Variants in TCTA observed in about 807,000 individuals in gnomAD.
The protein encoded by TCTA is T-cell leukemia translocation-altered gene protein.
A neutral mutation model predicts 13.5 loss-of-function variants in TCTA; 13 were observed. The observed-to-expected ratio is 0.96, with a 90% confidence interval of 0.63 to 1.53. TCTA has a LOEUF of 1.53. TCTA is among the 40% of genes most tolerant of loss of function. The pLI, the probability that TCTA is intolerant of heterozygous loss-of-function variation, is 0.00. For synonymous variants in TCTA, 58 were observed against 59.0 expected (o/e 0.98, Z 0.08); for missense variants, 138 against 131.3 (o/e 1.05, Z -0.25).
At position 49,414,922 on chromosome 3, in the gene TCTA, T is replaced by A; in HGVS notation, c.*60T>A. On this transcript the variant is annotated 3_prime_UTR_variant, in exon 3 of 3. Coordinates refer to ENST00000273590, the MANE Select transcript of TCTA (RefSeq NM_022171.3). ...GGGTCTGCTGGCTTCTACACTGGGT[T>A]CTGCTACTCCCCAGACCTCAGGGAC... 2 of 1,607,252 alleles carry A rather than the reference T, an allele frequency of 1.2e-6. No homozygotes were observed. The highest frequency in any genetic ancestry group is 8.5e-7 in the Non-Finnish European group (1 of 1,174,376).
intron 1 of TCTA, 33 bp from the exon 2 acceptor site, chr3:49,413,023 C>T (rs1397413698): frequency 1.2e-6 from 2 of 1,612,568 alleles, no homozygotes; most frequent in African/African-American, 1.3e-5. Flanking sequence ...CCACCCCAGC[C>T]TTCTGCAGCT....
intron 1 of TCTA, 128 bp from the exon 2 acceptor site, chr3:49,412,928 A>G (rs1415668166): frequency 1.6e-5 from 15 of 922,818 alleles, no homozygotes; most frequent in Non-Finnish European, 2.4e-5. Context: ...TGGCAATACC[A>G]TTAGTCCCTT....
In TCTA at chr3:49,412,555, G is replaced by T; in HGVS notation, c.129G>T (p.Leu43=). 1 of 1,614,270 alleles carries T rather than the reference G, an allele frequency of 6.2e-7. No homozygotes were observed. Among genetic ancestry groups the T allele is most frequent in the Non-Finnish European group, 8.5e-7 (1 of 1,180,046 alleles). ...GCGTGACCCTCTTCAAGCTGCTGCTGCTGTGGTTGGTGTTAAGTCTCCTGG... is the reference window on the plus strand; with the variant it reads ...GCGTGACCCTCTTCAAGCTGCTGCTTCTGTGGTTGGTGTTAAGTCTCCTGG... The part of the protein sequence containing the change: ...DMRVTLFKLL[L]LWLVLSLLGI... The change falls in exon 1 of 3, where the codon CTG becomes CTT. Residue 43 remains leucine, a synonymous_variant. Transcript: ENST00000273590.
chr3:49,412,443 C>T lies in TCTA; in HGVS notation c.17C>T (p.Ser6Phe). The T allele has an allele frequency of 5.0e-6, 8 of 1,611,210 alleles. No homozygotes were observed. Among genetic ancestry groups the T allele is most frequent in the Non-Finnish European group, 6.8e-6 (8 of 1,179,730 alleles). Residue 6 changes from serine (S) to phenylalanine (F), a missense_variant, in exon 1 of 3, where the codon TCT (serine) becomes TTT (phenylalanine). Transcript: ENST00000273590. ...GGGCCAGTCATGGCGGAGTCCTGGT[C>T]TGGGCAGGCCTTGCAGGCTCTGCCG... MAESW[S>F]GQALQALPAT...
rs903016683 is a variant in TCTA at position 49,412,976 on chromosome 3, T to C, written c.215-80T>C. 2.1e-6 allele frequency: 3 copies of C among 1,446,126 alleles called. No individual in the cohort carries two copies. In the South Asian group the frequency reaches 3.5e-5, roughly 17 times the overall value. The allele number at this position is 1,446,126 out of a possible 1,614,324, so 89.6% of individuals were successfully genotyped here. A position where few individuals can be genotyped will look rare whatever the true frequency, so the allele number is the denominator to read the frequency against. The stretch of plus-strand genomic sequence containing the variant: ...AGACTTCACCAAACAATACCAGTGG[T>C]CTCTAACCTGACCTGGGCTGATGCC... On this transcript the variant is annotated intron_variant, in intron 1 of 2. Coordinates refer to ENST00000273590, the MANE Select transcript of TCTA (RefSeq NM_022171.3).
At position 49,414,942 on chromosome 3, in the gene TCTA, A is replaced by G. The variant is rs1038768502; in HGVS notation, c.*80A>G. 3.8e-6 allele frequency: 6 copies of G among 1,577,666 alleles called. No homozygotes were observed. Among genetic ancestry groups the G allele is most frequent in the Non-Finnish European group, 4.3e-6 (5 of 1,149,634 alleles). On this transcript the variant is annotated 3_prime_UTR_variant, in exon 3 of 3. Transcript: ENST00000273590. ...TGGGTTCTGCTACTCCCCAGACCTCAGGGACAACTGCCGGGGGTTCAGGGT... is the reference window on the plus strand; with the variant it reads ...TGGGTTCTGCTACTCCCCAGACCTCGGGGACAACTGCCGGGGGTTCAGGGT...
chr3:49,413,061 G>A lies in TCTA; in HGVS notation c.220G>A (p.Gly74Ser). ...GGATGTGTTTCTGCCTCCAGGTCTG[G>A]GTGGTCAGAATGGATCCACGCCTGA... is the stretch of plus-strand genomic sequence containing the variant. Reference protein sequence around the residue: ...VTGLYHRPGLGGQNGSTPDGS... With the variant: ...VTGLYHRPGLSGQNGSTPDGS... Residue 74 changes from glycine to serine, a missense_variant, in exon 2 of 3, where the codon GGT becomes AGT. By Grantham distance (56) the Gly-to-Ser change is moderately conservative (BLOSUM62 0). Coordinates refer to ENST00000273590, the MANE Select transcript of TCTA (RefSeq NM_022171.3). The A allele has an allele frequency of 6.2e-7, 1 of 1,614,104 alleles. No homozygotes were observed. The highest frequency in any genetic ancestry group is 8.5e-7 in the Non-Finnish European group (1 of 1,180,030).
At chr3:49,412,662 C>T (rs763218481) in intron 1 of TCTA, 22 bp downstream of exon 1, 38 of 1,608,444 alleles carry the variant, frequency 2.4e-5, no homozygotes, top group Non-Finnish European at 2.9e-5. Context: ...TACGAACCTC[C>T]GTGGGCTGGC....
At chr3:49,412,917 C>A in intron 1 of TCTA, 139 bp from the exon 2 acceptor site, 1 of 848,212 alleles carries the variant, frequency 1.2e-6, no homozygotes, top group Non-Finnish European at 1.9e-6. Context: ...GAACTCTCAC[C>A]TGGCAATACC....
chr3:49,413,191 T>A (rs2048971717), intron 2 of TCTA, 81 bp downstream of exon 2: 1 of 1,537,366 alleles, frequency 6.5e-7, no homozygotes, highest in Non-Finnish European at 9.0e-7. Context: ...AGGGGAGTTC[T>A]CAGGCTTTAA....
rs761335887 is a variant in TCTA at position 49,412,555 on chromosome 3, G to A, written c.129G>A (p.Leu43=). The A allele has an allele frequency of 3.1e-6, 5 of 1,614,270 alleles. 1 individual carries two copies. In the South Asian group the frequency reaches 4.4e-5, roughly 14 times the overall value. Residue 43 remains leucine (L), a synonymous_variant, in exon 1 of 3, where the codon CTG becomes CTA. Coordinates refer to ENST00000273590, the MANE Select transcript of TCTA (RefSeq NM_022171.3). ...DMRVTLFKLL[L]LWLVLSLLGI... ...GCGTGACCCTCTTCAAGCTGCTGCT[G>A]CTGTGGTTGGTGTTAAGTCTCCTGG... is the stretch of plus-strand genomic sequence containing the variant.
At chr3:49,413,208 C>A in intron 2 of TCTA, 98 bp downstream of exon 2, 2 of 1,359,146 alleles carry the variant, frequency 1.5e-6, no homozygotes, top group Non-Finnish European at 1.0e-6. Context: ...TTAAGCCCAC[C>A]AGCTTAATGG....
Position 49,416,282 on chromosome 3 carries a change from T to C in TCTA, c.*1420T>C, listed in dbSNP as rs549128400. 6.6e-5 allele frequency: 11 copies of C among 167,626 alleles called. No homozygotes were observed. The highest frequency in any genetic ancestry group is 1.9e-4 in the African/African-American group (8 of 41,832). 10.4% of individuals were successfully genotyped at this position (167,626 alleles called of 1,614,324 possible). A position where few individuals can be genotyped will look rare whatever the true frequency, so the allele number is the denominator to read the frequency against. On this transcript the variant is annotated 3_prime_UTR_variant, in exon 3 of 3. Coordinates refer to ENST00000273590, the MANE Select transcript of TCTA (RefSeq NM_022171.3). ...TGACCCCTGCCTACTTCCTTCCTGT[T>C]GGATATCATACTTCCATCTGGCTGC...
rs1559525404 is a variant in TCTA at position 49,412,453 on chromosome 3, C to CT, written c.29dup (p.Leu10PhefsTer73). 6.2e-7 allele frequency: 1 copy of CT among 1,612,356 alleles called. No individual in the cohort carries two copies. Among genetic ancestry groups the CT allele is most frequent in the Admixed American group, 1.7e-5 (1 of 60,010 alleles). On this transcript the variant is annotated frameshift_variant, in exon 1 of 3. Coordinates refer to ENST00000273590, the MANE Select transcript of TCTA (RefSeq NM_022171.3). LOFTEE classifies it high-confidence loss of function. ...TGGCGGAGTCCTGGTCTGGGCAGGC[C>CT]TTGCAGGCTCTGCCGGCCACGGTGC...
At chr3:49,413,841 T>G (rs763004963) in intron 2 of TCTA, among the ~76,000 whole-genome samples, 2 of 152,192 alleles carry the variant, frequency 1.3e-5, no homozygotes, top group Non-Finnish European at 2.9e-5. Context: ...AAGGCTGTGG[T>G]CTGATCTAAT....
rs948294139 is a variant in TCTA at position 49,416,300 on chromosome 3, C to T, written c.*1438C>T. Reference sequence around the variant, plus strand: ...TTCCTGTTGGATATCATACTTCCATCTGGCTGCCTTTGCTTAAGCCATCTT... The same window carrying T: ...TTCCTGTTGGATATCATACTTCCATTTGGCTGCCTTTGCTTAAGCCATCTT... On this transcript the variant is annotated 3_prime_UTR_variant, in exon 3 of 3. Coordinates refer to ENST00000273590, the MANE Select transcript of TCTA (RefSeq NM_022171.3). 2.4e-5 allele frequency: 4 copies of T among 169,430 alleles called. No homozygotes were observed. Among genetic ancestry groups the T allele is most frequent in the African/African-American group, 9.6e-5 (4 of 41,754 alleles). 10.5% of individuals were successfully genotyped at this position (169,430 alleles called of 1,614,324 possible).
At chr3:49,413,337 G>A in intron 2 of TCTA, 1 of 564,588 alleles carries the variant, frequency 1.8e-6, no homozygotes. Context: ...TGGTGGTATT[G>A]TCATAATTTC....
chr3:49,413,245 C>T (rs2048972138), intron 2 of TCTA, 135 bp downstream of exon 2: 4 of 949,836 alleles, frequency 4.2e-6, no homozygotes, highest in Non-Finnish European at 3.3e-6. Context: ...CAAGTCTGCA[C>T]GTAGAGCTCA....
chr3:49,412,869 C>G (rs928334756), intron 1 of TCTA, 187 bp from the exon 2 acceptor site: 16 of 723,244 alleles, frequency 2.2e-5, no homozygotes, highest in Middle Eastern at 3.9e-4. Flanking sequence ...ACGCCAGAAT[C>G]CCCACCAGTC....
Sources: allele counts gnomAD v4.1 joint callset (sites outside exome capture counted in the v4.1 genomes callset), GRCh38; gene constraint gnomAD v4.1.1; transcripts MANE v1.5; gene names NCBI Gene and HGNC (gene_info 2026-07-23, HGNC 2026-07-21).